PRCD: variants seen among roughly 807,000 people sequenced by gnomAD.
PRCD encodes the protein photoreceptor disc component, also known as photoreceptor disk component PRCD.
Under a neutral mutation model 10.1 loss-of-function variants are expected in PRCD, and 12 were observed. The ratio of observed to expected loss-of-function variants is 1.18; its 90% CI spans 0.76 to 1.92. PRCD has a LOEUF of 1.92. Among genes scored for constraint, PRCD ranks in the 40% most tolerant of loss-of-function variants. PRCD has a pLI of 0.00. For synonymous variants in PRCD, 31 were observed against 26.2 expected (o/e 1.18, Z -0.56); for missense variants, 61 against 72.2 (o/e 0.84, Z 0.56).
At position 76,528,443 on chromosome 17, in the gene PRCD, A is replaced by G; in HGVS notation, n.45+610A>G. ...CAGGGGGGGACCCTGGCCGCCACAG[A>G]GGCCTCCTTCGGGGAAGTTGAGTCA... On this transcript the variant is annotated intron_variant and non_coding_transcript_variant, in intron 1 of 4. Transcript: ENST00000397633. This position sits in a 1 kb window ranked among gnomAD's most constrained non-coding sequence, Gnocchi z 5.8. The G allele has an allele frequency of 1.2e-6, 1 of 838,204 alleles. No individual in the cohort carries two copies. Among genetic ancestry groups the G allele is most frequent in the Non-Finnish European group, 1.6e-6 (1 of 613,776 alleles). The allele number at this position is 838,204 out of a possible 1,614,324, so 51.9% of individuals were successfully genotyped here. A position where few individuals can be genotyped will look rare whatever the true frequency, so the allele number is the denominator to read the frequency against.
At chr17:76,537,637 G>C, upstream of PRCD, 2 of 969,132 alleles carry the variant, frequency 2.1e-6, no homozygotes, top group Non-Finnish European at 2.4e-6. Flanking sequence ...GGCCGGCTGC[G>C]TGCGCGGCGG....
intron 1 of PRCD, chr17:76,529,860 C>T (rs2074813838): frequency 1.0e-6 from 1 of 985,170 alleles, no homozygotes; most frequent in Non-Finnish European, 1.2e-6. Flanking sequence ...TGGCTTGGCT[C>T]CAGCCAGCAG....
rs2074828063 is a variant in PRCD, at chr17:76,530,850, G to C, written n.45+3017G>C. ...GCCTGTTCTTACATGTCAGACCCCA[G>C]GGTTGGCCTGCCTCAAGTGTGCCTG... On this transcript the variant is annotated intron_variant and non_coding_transcript_variant, in intron 1 of 4. Transcript: ENST00000397633. This position sits in a 1 kb window ranked among gnomAD's most constrained non-coding sequence, Gnocchi z 6.1. 1 of 1,034,564 alleles carries C rather than the reference G, an allele frequency of 9.7e-7. No homozygotes were observed. Among genetic ancestry groups the C allele is most frequent in the Non-Finnish European group, 1.4e-6 (1 of 727,432 alleles). 64.1% of individuals were successfully genotyped at this position (1,034,564 alleles called of 1,614,324 possible).
At chr17:76,546,360 G>A (rs914328016), downstream of PRCD, 1 of 152,336 alleles carries the variant, frequency 6.6e-6, no homozygotes, top group African/African-American at 2.4e-5. This position sits in a 1 kb window ranked among gnomAD's most constrained non-coding sequence, Gnocchi z 4.5. Flanking sequence ...AGCCACTGCA[G>A]CTGTGGCTGT....
At position 76,544,763 on chromosome 17, in the gene PRCD, A is replaced by G. The variant is rs943363377; in HGVS notation, c.*1113A>G. The G allele has an allele frequency of 2.2e-6, 1 of 456,752 alleles. No homozygotes were observed. The highest frequency in any genetic ancestry group is 1.5e-5 in the South Asian group (1 of 64,574). The allele number at this position is 456,752 out of a possible 1,614,324, so 28.3% of individuals were successfully genotyped here. A position where few individuals can be genotyped will look rare whatever the true frequency, so the allele number is the denominator to read the frequency against. On this transcript the variant is annotated 3_prime_UTR_variant, in exon 5 of 5. Transcript: ENST00000592014. ...TATCTGCATTTATTCTCTATTTGCC[A>G]TGTTCCTGTCACCTCATCCTTGCTG...
Position 76,528,653 on chromosome 17 carries a change from G to A in PRCD, n.45+820G>A, listed in dbSNP as rs200614504. ...AAGGGAAGGACAAACGTTACCAGAG[G>A]CAGGGAAGGACCCTCGGGGGAAAGG... is the stretch of plus-strand genomic sequence containing the variant. On this transcript the variant is annotated intron_variant and non_coding_transcript_variant, in intron 1 of 4. Coordinates refer to the PRCD transcript ENST00000397633. The surrounding 1 kb of genome is among the most constrained non-coding windows in gnomAD (Gnocchi z 5.8). 6 of 1,260,700 alleles carry A rather than the reference G, an allele frequency of 4.8e-6. No individual in the cohort carries two copies. The East Asian group carries it at 9.2e-5, about 19-fold the overall frequency. The allele number at this position is 1,260,700 out of a possible 1,614,324, so 78.1% of individuals were successfully genotyped here.
chr17:76,531,359 G>GA lies in PRCD; in HGVS notation n.45+3527dup. On this transcript the variant is annotated intron_variant and non_coding_transcript_variant, in intron 1 of 4. Coordinates refer to the PRCD transcript ENST00000397633. The surrounding 1 kb of genome is among the most constrained non-coding windows in gnomAD (Gnocchi z 7.4). ...CCCTCCCTCTCGCAGCCACTCCGGG[G>GA]ATCACCTCTGTTGCTCCAGAGAGCC... 1 of 1,427,416 alleles carries GA rather than the reference G, an allele frequency of 7.0e-7. No homozygotes were observed. The highest frequency in any genetic ancestry group is 2.1e-4 in the Middle Eastern group (1 of 4,652). 88.4% of individuals were successfully genotyped at this position (1,427,416 alleles called of 1,614,324 possible). A position where few individuals can be genotyped will look rare whatever the true frequency, so the allele number is the denominator to read the frequency against.
In PRCD at chr17:76,530,915, A is replaced by G. The variant is rs2074829401; in HGVS notation, n.45+3082A>G. On this transcript the variant is annotated intron_variant and non_coding_transcript_variant, in intron 1 of 4. Transcript: ENST00000397633. The surrounding 1 kb of genome is among the most constrained non-coding windows in gnomAD (Gnocchi z 6.1). ...CCCAGGGCCTCAGGAGATATGGGAG[A>G]CCTCGGGGACAGCAGAGGACATGGC... is the stretch of plus-strand genomic sequence containing the variant. 1.3e-6 allele frequency: 2 copies of G among 1,482,854 alleles called. No individual in the cohort carries two copies. Among genetic ancestry groups the G allele is most frequent in the East Asian group, 2.5e-5 (1 of 40,306 alleles). 91.9% of individuals were successfully genotyped at this position (1,482,854 alleles called of 1,614,324 possible).
chr17:76,542,465 T>C (rs2075002936), intron 2 of PRCD, 88 bp from the exon 3 acceptor site: 1 of 1,479,976 alleles, frequency 6.8e-7, no homozygotes, highest in Admixed American at 1.7e-5. Flanking sequence ...GGTGAATTGA[T>C]AGGGATGGGA....
Position 76,543,962 on chromosome 17 carries a change from G to A in PRCD, c.*312G>A, listed in dbSNP as rs1384138314. On this transcript the variant is annotated 3_prime_UTR_variant, in exon 5 of 5. Transcript: ENST00000592014. ...GTGTGCAAGCGCGTGTGTTCCAAAC[G>A]GGCAGTAGCGTGTGGGAAGGAAAAA... The A allele has an allele frequency of 6.4e-6, 3 of 466,660 alleles. No homozygotes were observed. The highest frequency in any genetic ancestry group is 1.6e-5 in the South Asian group (1 of 64,506). The allele number at this position is 466,660 out of a possible 1,614,324, so 28.9% of individuals were successfully genotyped here. A position where few individuals can be genotyped will look rare whatever the true frequency, so the allele number is the denominator to read the frequency against.
chr17:76,542,969 A>G (rs2075009297), intron 3 of PRCD, 60 bp from the exon 4 acceptor site: 1 of 502,240 alleles, frequency 2.0e-6, no homozygotes, highest in East Asian at 6.0e-5. Context: ...CCACTCTGAA[A>G]TGCGAGTCCC....
downstream of PRCD, among the ~76,000 whole-genome samples, chr17:76,548,418 T>G (rs1198318311): frequency 6.6e-6 from 1 of 152,230 alleles, no homozygotes; most frequent in Admixed American, 6.5e-5. Flanking sequence ...GAACCTGCAA[T>G]GTACAAACCC....
At chr17:76,537,527 C>G (rs1598208353), upstream of PRCD, 1 of 1,563,658 alleles carries the variant, frequency 6.4e-7, no homozygotes, top group East Asian at 2.6e-5. Flanking sequence ...TCCATCTCGC[C>G]TGGCACTTTC....
Position 76,531,418 on chromosome 17 carries a change from C to G in PRCD, n.45+3585C>G. On this transcript the variant is annotated intron_variant and non_coding_transcript_variant, in intron 1 of 4. Transcript: ENST00000397633. The surrounding 1 kb of genome is among the most constrained non-coding windows in gnomAD (Gnocchi z 7.4). Reference sequence around the variant, plus strand: ...GCCTGCGAGCTGCAGATGGCCATGACGCGTGGGCGGTGGGGGCTCTGCAGC... The same window carrying G: ...GCCTGCGAGCTGCAGATGGCCATGAGGCGTGGGCGGTGGGGGCTCTGCAGC... 6.3e-7 allele frequency: 1 copy of G among 1,582,820 alleles called. No homozygotes were observed.
In PRCD at chr17:76,528,794, G is replaced by T; in HGVS notation, n.45+961G>T. 1 of 1,048,336 alleles carries T rather than the reference G, an allele frequency of 9.5e-7. No individual in the cohort carries two copies. 64.9% of individuals were successfully genotyped at this position (1,048,336 alleles called of 1,614,324 possible). A position where few individuals can be genotyped will look rare whatever the true frequency, so the allele number is the denominator to read the frequency against. On this transcript the variant is annotated intron_variant and non_coding_transcript_variant, in intron 1 of 4. Coordinates refer to the PRCD transcript ENST00000397633. This position sits in a 1 kb window ranked among gnomAD's most constrained non-coding sequence, Gnocchi z 5.8. ...CCGTCCTGCTACGAACGTGCTGTGT[G>T]ATCTCAGGCAAGTCTACTGGCCCAT... is the stretch of plus-strand genomic sequence containing the variant.
chr17:76,542,526 C>T (rs2075003926), intron 2 of PRCD, 27 bp from the exon 3 acceptor site: 7 of 1,614,012 alleles, frequency 4.3e-6, no homozygotes, highest in Non-Finnish European at 5.9e-6. Context: ...CCCTTCAATC[C>T]TGACCCCAGT....
At chr17:76,534,961 C>T (rs1367776779) in intron 1 of PRCD, among the ~76,000 whole-genome samples, 1 of 152,240 alleles carries the variant, frequency 6.6e-6, no homozygotes, top group Admixed American at 6.5e-5. Context: ...GGAGGAGCCT[C>T]CACAGCCAGC....
upstream of PRCD, chr17:76,538,625 T>G: frequency 2.7e-6 from 1 of 376,862 alleles, no homozygotes; most frequent in Admixed American, 3.3e-5. Flanking sequence ...AGGCGCAGGC[T>G]GCTGGGGACA....
intron 2 of PRCD, among the ~76,000 whole-genome samples, chr17:76,542,042 G>A (rs1002238406): frequency 6.6e-6 from 1 of 152,152 alleles, no homozygotes; most frequent in African/African-American, 2.4e-5. Flanking sequence ...GGATTGGCAG[G>A]ACATGTGTTT....
Sources: allele counts gnomAD v4.1 joint callset (sites outside exome capture counted in the v4.1 genomes callset), GRCh38; gene constraint gnomAD v4.1.1; non-coding constraint Gnocchi (gnomAD v3.1); transcripts MANE v1.5; gene names NCBI Gene and HGNC (gene_info 2026-07-23, HGNC 2026-07-21).